GPC5: variants seen among roughly 807,000 people sequenced by gnomAD.
GPC5 encodes glypican-5.
Under a neutral mutation model 53.9 loss-of-function variants are expected in GPC5, and 47 were observed. The observed-to-expected ratio is 0.87, with a 90% CI of 0.69 to 1.11. GPC5 has a LOEUF of 1.11. GPC5 is among the 50% of genes most tolerant of loss of function. The pLI is 0.00. For missense variants in GPC5, 748 were observed against 713.1 expected, an observed-to-expected ratio of 1.05 and a Z score of -0.56; for synonymous variants, 286 against 263.3, an observed-to-expected ratio of 1.09 and a Z score of -0.84.
intron 5 of GPC5, among the ~76,000 whole-genome samples, chr13:91,767,107 C>T (rs2037540541): frequency 6.6e-6 from 1 of 152,120 alleles, no homozygotes; most frequent in Non-Finnish European, 1.5e-5. Context: ...CATATGCATT[C>T]TTGAGTGAAA....
At chr13:92,850,604 A>AG (rs747168960) in intron 7 of GPC5, among the ~76,000 whole-genome samples, 19 of 152,114 alleles carry the variant, frequency 1.2e-4, no homozygotes, top group Non-Finnish European at 2.4e-4. Context: ...ATCTCAAGAA[A>AG]GAAAAAAAAA....
intron 6 of GPC5, among the ~76,000 whole-genome samples, chr13:92,031,761 ATAT>A (rs1346003041): frequency 1.5e-4 from 15 of 97,552 alleles, no homozygotes; most frequent in East Asian, 1.2e-3. Context: ...ATTATATTAC[ATAT>A]TATATATAAT....
At chr13:91,440,940 C>T (rs1474369228) in intron 1 of GPC5, among the ~76,000 whole-genome samples, 1 of 152,076 alleles carries the variant, frequency 6.6e-6, no homozygotes, top group Non-Finnish European at 1.5e-5. Flanking sequence ...TGCTCTCAGC[C>T]CCTCTCTTCC....
At chr13:91,895,735 GT>G (rs1217297883) in intron 5 of GPC5, among the ~76,000 whole-genome samples, 2 of 151,792 alleles carry the variant, frequency 1.3e-5, no homozygotes, top group Admixed American at 6.6e-5. Context: ...GGATGCTCCA[GT>G]TTGGGGGTGG....
rs1213076942 is a variant in GPC5, at chr13:91,398,689, TGGCGGCAGTGGCGGCAGC to T, written c.-354_-337del. 3.5e-5 allele frequency: 8 copies of T among 228,114 alleles called. No individual in the cohort carries two copies. The highest frequency in any genetic ancestry group is 1.1e-4 in the African/African-American group (5 of 43,620). 14.1% of individuals were successfully genotyped at this position (228,114 alleles called of 1,614,324 possible). A position where few individuals can be genotyped will look rare whatever the true frequency, so the allele number is the denominator to read the frequency against. On this transcript the variant is annotated 5_prime_UTR_variant, in exon 1 of 8. Transcript: ENST00000377067. ...GCGGCGGCGGCGGCAGTGGCGGCAG[TGGCGGCAGTGGCGGCAGC>T]GGCAGCAGTTGCAGCAGTGGTGGCC... is the stretch of plus-strand genomic sequence containing the variant.
intron 7 of GPC5, among the ~76,000 whole-genome samples, chr13:92,543,204 C>A (rs1365686774): frequency 6.6e-6 from 1 of 151,974 alleles, no homozygotes; most frequent in African/African-American, 2.4e-5. Flanking sequence ...TGTGTCATAT[C>A]AAAATACCTG....
At chr13:91,852,071 G>T (rs61967098) in intron 5 of GPC5, among the ~76,000 whole-genome samples, 1 of 151,690 alleles carries the variant, frequency 6.6e-6, no homozygotes, top group African/African-American at 2.4e-5. Context: ...CTGAGGAATC[G>T]CCACACTGAC....
At chr13:91,889,123 A>G (rs1376442348) in intron 5 of GPC5, among the ~76,000 whole-genome samples, 2 of 152,128 alleles carry the variant, frequency 1.3e-5, no homozygotes, top group Non-Finnish European at 2.9e-5. Context: ...GTTTGTTTTT[A>G]TTGTATCTTC....
chr13:92,138,285 C>T (rs1368855536), intron 6 of GPC5, among the ~76,000 whole-genome samples: 1 of 152,146 alleles, frequency 6.6e-6, no homozygotes, highest in Non-Finnish European at 1.5e-5. Context: ...CTTTGGGATG[C>T]CAAGGTGGGC....
chr13:91,403,630 T>C (rs1385253459), intron 1 of GPC5, among the ~76,000 whole-genome samples: 4 of 152,224 alleles, frequency 2.6e-5, no homozygotes, highest in Admixed American at 6.5e-5. Context: ...ATTCTGTGCA[T>C]GTTATTTATC....
intron 5 of GPC5, among the ~76,000 whole-genome samples, chr13:91,906,888 A>G (rs1394911300): frequency 1.3e-5 from 2 of 151,846 alleles, no homozygotes; most frequent in East Asian, 3.9e-4. Context: ...CTCTACTTAG[A>G]AAATATTTTG....
chr13:91,499,494 C>A (rs1451854254), intron 2 of GPC5, among the ~76,000 whole-genome samples: 1 of 152,182 alleles, frequency 6.6e-6, no homozygotes, highest in Non-Finnish European at 1.5e-5. Context: ...TCTTCCTGCC[C>A]TAGTAAACTT....
chr13:92,400,902 A>T (rs1212125547), intron 7 of GPC5, among the ~76,000 whole-genome samples: 1 of 147,702 alleles, frequency 6.8e-6, no homozygotes, highest in Admixed American at 6.8e-5. Flanking sequence ...TAAAAAGAGG[A>T]TATCAGTTCT....
chr13:92,708,857 C>CTTT lies in GPC5; in HGVS notation c.1562-157384_1562-157382dup, dbSNP rs752130758. Among the ~76,000 whole-genome samples the CTTT allele has an allele frequency of 5.2e-3, 249 of 48,180 alleles. 89 individuals carry two copies. The highest frequency in any genetic ancestry group is 7.1e-3 in the Non-Finnish European group (172 of 24,282). 31.6% of individuals were successfully genotyped at this position (48,180 alleles called of 152,430 possible). A position where few individuals can be genotyped will look rare whatever the true frequency, so the allele number is the denominator to read the frequency against. On this transcript the variant is annotated intron_variant, in intron 7 of 7. Transcript: ENST00000377067. ...CTAGCAGCATCTAGCTGGAAACCGC[C>CTTT]TTTTTTTTTTTTTTTTTTTTTTTTT...
intron 7 of GPC5, among the ~76,000 whole-genome samples, chr13:92,752,634 A>G (rs1874619208): frequency 6.6e-6 from 1 of 152,056 alleles, no homozygotes; most frequent in Non-Finnish European, 1.5e-5. Context: ...GGGTGCGCGC[A>G]CCGTGCGCGA....
At chr13:92,342,994 TTAAGA>T (rs1162016500) in intron 7 of GPC5, among the ~76,000 whole-genome samples, 2 of 152,164 alleles carry the variant, frequency 1.3e-5, no homozygotes, top group Non-Finnish European at 2.9e-5. Flanking sequence ...CATCTACAAC[TTAAGA>T]TATTTGTATA....
intron 7 of GPC5, among the ~76,000 whole-genome samples, chr13:92,753,808 C>A (rs1874708930): frequency 1.3e-5 from 2 of 152,124 alleles, no homozygotes; most frequent in African/African-American, 4.8e-5. Context: ...TGAGCAAAGC[C>A]TCCAAGAAAT....
At chr13:91,557,507 G>A (rs887310859) in intron 2 of GPC5, among the ~76,000 whole-genome samples, 1 of 152,110 alleles carries the variant, frequency 6.6e-6, no homozygotes, top group Non-Finnish European at 1.5e-5. Flanking sequence ...GGAGAGGGCT[G>A]ATGTCCAGCC....
At chr13:92,563,251 T>C (rs1432987243) in intron 7 of GPC5, among the ~76,000 whole-genome samples, 1 of 152,008 alleles carries the variant, frequency 6.6e-6, no homozygotes, top group African/African-American at 2.4e-5. Flanking sequence ...TAAAATAGGA[T>C]ATCGTGATAC....
Sources: gnomAD v4.1 joint callset for allele counts (sites outside exome capture counted in the v4.1 genomes callset) on GRCh38, gnomAD v4.1.1 for gene constraint, MANE v1.5 for transcripts, NCBI Gene and HGNC (gene_info 2026-07-23, HGNC 2026-07-21) for gene names.